Variants in USP40 observed in about 807,000 individuals in gnomAD.
The protein encoded by USP40 is ubiquitin specific peptidase 40, also known as ubiquitin carboxyl-terminal hydrolase 40.
A neutral mutation model predicts 166.2 loss-of-function variants in USP40; 143 were observed. The observed-to-expected ratio is 0.86, with a 90% CI of 0.75 to 0.99. USP40 has a LOEUF of 0.99. Ranked by LOEUF, USP40 falls within the 50% of genes least tolerant of loss-of-function variation. The pLI is 0.00. For missense variants in USP40, 1,444 were observed against 1,479.7 expected, an observed-to-expected ratio of 0.98 and a Z score of 0.40; for synonymous variants, 498 against 524.0, an observed-to-expected ratio of 0.95 and a Z score of 0.68.
intron 20 of USP40, among the ~76,000 whole-genome samples, chr2:233,510,936 A>G (rs568891593): frequency 6.6e-6 from 1 of 152,100 alleles, no homozygotes; most frequent in African/African-American, 2.4e-5. Context: ...TTCTAACTCA[A>G]CCTCACTTGT....
chr2:233,565,653 G>C (rs1227959349), intron 1 of USP40, 80 bp from the exon 2 acceptor site: 2 of 1,214,322 alleles, frequency 1.6e-6, no homozygotes, highest in African/African-American at 3.1e-5. Flanking sequence ...CTTGGGAGTC[G>C]ATTCTGTTGT....
At position 233,521,093 on chromosome 2, in the gene USP40, T is replaced by TTTC. The variant is rs59586144; in HGVS notation, c.2220_2222dup (p.Lys741dup). The stretch of plus-strand genomic sequence containing the variant: ...CAATCTCATTCATACTAGTGACCCA[T>TTTC]TTCTCTTCCTTGGTCAACAAGCTGT... On this transcript the variant is annotated inframe_insertion, in exon 17 of 32. Transcript: ENST00000678225. 0.2 allele frequency: 320,306 copies of TTTC among 1,611,124 alleles called. 33,173 individuals are homozygous for TTTC. The highest frequency in any genetic ancestry group is 0.21 in the Middle Eastern group (1,289 of 6,046).
chr2:233,495,940 A>T (rs1172201127), intron 24 of USP40, among the ~76,000 whole-genome samples: 4 of 152,250 alleles, frequency 2.6e-5, no homozygotes, highest in Non-Finnish European at 1.5e-5. Flanking sequence ...GAATAAAAGC[A>T]AACAAAACAA....
intron 30 of USP40, chr2:233,481,508 C>T: frequency 1.8e-6 from 1 of 567,152 alleles, no homozygotes; most frequent in East Asian, 3.0e-5. Context: ...AATTAATTTC[C>T]AGCCATCTGA....
chr2:233,560,991 A>C (rs2071540354), intron 3 of USP40: 4 of 805,914 alleles, frequency 5.0e-6, no homozygotes, highest in Non-Finnish European at 8.6e-6. Context: ...TCTTTCTCGG[A>C]AGGCAAATTC....
intron 12 of USP40, among the ~76,000 whole-genome samples, chr2:233,529,057 TACA>T (rs2068282769): frequency 6.6e-6 from 1 of 152,230 alleles, no homozygotes; most frequent in African/African-American, 2.4e-5. Context: ...GCCAGTTCGC[TACA>T]ACTACTTACC....
intron 2 of USP40, 88 bp from the exon 3 acceptor site, chr2:233,562,891 A>C (rs1269633107): frequency 6.5e-6 from 6 of 927,804 alleles, no homozygotes; most frequent in Non-Finnish European, 7.8e-6. Flanking sequence ...CTTTAAGTAA[A>C]ATCAAGTAGA....
In USP40 at chr2:233,549,231, TAAAAGA is replaced by T; in HGVS notation, c.838-8_838-3del. The T allele has an allele frequency of 1.4e-6, 2 of 1,384,864 alleles. No individual in the cohort carries two copies. Among genetic ancestry groups the T allele is most frequent in the Non-Finnish European group, 9.8e-7 (1 of 1,021,964 alleles). 85.8% of individuals were successfully genotyped at this position (1,384,864 alleles called of 1,614,324 possible). A position where few individuals can be genotyped will look rare whatever the true frequency, so the allele number is the denominator to read the frequency against. On this transcript the variant is annotated splice_region_variant and splice_polypyrimidine_tract_variant and intron_variant, in intron 7 of 31. Transcript: ENST00000678225. ...ATATTCTAAGTCATCCAATTCACTCTAAAAGAAAAAAGAACAAAAATATTGATATAG... is the reference window on the plus strand; with the variant it reads ...ATATTCTAAGTCATCCAATTCACTCTAAAAAGAACAAAAATATTGATATAG...
At chr2:233,477,853 C>T (rs1318798108) in intron 31 of USP40, among the ~76,000 whole-genome samples, 8 of 152,252 alleles carry the variant, frequency 5.3e-5, no homozygotes, top group East Asian at 1.9e-4. Flanking sequence ...CTGCACGACT[C>T]GTCACAATCA....
At chr2:233,531,807 A>G (rs2068547437) in intron 11 of USP40, among the ~76,000 whole-genome samples, 1 of 152,224 alleles carries the variant, frequency 6.6e-6, no homozygotes. Flanking sequence ...CTCAATCTAT[A>G]AAGCTTTTCT....
intron 31 of USP40, among the ~76,000 whole-genome samples, chr2:233,477,977 G>C (rs940719346): frequency 6.6e-6 from 1 of 152,216 alleles, no homozygotes; most frequent in African/African-American, 2.4e-5. Flanking sequence ...GACCCCCCCG[G>C]CCCATGGCAC....
At position 233,517,379 on chromosome 2, in the gene USP40, G is replaced by GT. The variant is rs202226925; in HGVS notation, c.2383+2234dup. ...CAAAAAAGATACTTGCACATGCATG[G>GT]TTTTTTGTTTTTTTTTTTTTTTTGA... is the stretch of plus-strand genomic sequence containing the variant. On this transcript the variant is annotated intron_variant, in intron 18 of 31. Transcript: ENST00000678225. Among the ~76,000 whole-genome samples the GT allele has an allele frequency of 6.6e-4, 90 of 137,162 alleles. 2 individuals are homozygous for GT. Among genetic ancestry groups the GT allele is most frequent in the African/African-American group, 1.4e-3 (50 of 35,708 alleles). 90.0% of individuals were successfully genotyped at this position (137,162 alleles called of 152,430 possible).
At chr2:233,507,220 G>C (rs1036472771) in intron 21 of USP40, among the ~76,000 whole-genome samples, 1 of 152,100 alleles carries the variant, frequency 6.6e-6, no homozygotes, top group Non-Finnish European at 1.5e-5. Context: ...ATGCACTGTC[G>C]GTGAGACTGT....
intron 25 of USP40, among the ~76,000 whole-genome samples, chr2:233,491,717 TC>T (rs1009592169): frequency 1.3e-5 from 2 of 152,066 alleles, no homozygotes; most frequent in African/African-American, 4.8e-5. Flanking sequence ...CTATCTTGTC[TC>T]CCCAGTTCCT....
intron 9 of USP40, among the ~76,000 whole-genome samples, chr2:233,541,918 A>G (rs955312716): frequency 3.3e-5 from 5 of 152,226 alleles, no homozygotes; most frequent in Non-Finnish European, 7.3e-5. Flanking sequence ...GTCATAACCC[A>G]ATTCCAATAT....
chr2:233,521,754 T>C (rs2125217612), intron 16 of USP40, among the ~76,000 whole-genome samples: 1 of 152,314 alleles, frequency 6.6e-6, no homozygotes, highest in Non-Finnish European at 1.5e-5. Context: ...TACTCTTTAT[T>C]GCAGTTATTC....
intron 12 of USP40, among the ~76,000 whole-genome samples, chr2:233,527,993 T>TG (rs2125248405): frequency 6.6e-6 from 1 of 152,056 alleles, no homozygotes; most frequent in South Asian, 2.1e-4. Context: ...TTTTTTTTTT[T>TG]TTTGAGACAG....
intron 24 of USP40, among the ~76,000 whole-genome samples, chr2:233,496,221 C>A (rs1381461349): frequency 6.6e-6 from 1 of 152,174 alleles, no homozygotes; most frequent in Non-Finnish European, 1.5e-5. Context: ...TACGTGCATC[C>A]TCAGTTTAAA....
Position 233,566,672 on chromosome 2 carries a change from A to C in USP40, c.-20+12T>G, listed in dbSNP as rs1336739482. ...GTCCCTCCCAGGATCCCCGGGCGCC[A>C]GCCGCACTTACTGCCTAAAGCCCAG... On this transcript the variant is annotated intron_variant, in intron 1 of 31. Coordinates refer to ENST00000678225, the MANE Select transcript of USP40 (RefSeq NM_001365479.2). 1.0e-6 allele frequency: 1 copy of C among 985,840 alleles called. No homozygotes were observed. The highest frequency in any genetic ancestry group is 1.2e-6 in the Non-Finnish European group (1 of 830,046). The allele number at this position is 985,840 out of a possible 1,614,324, so 61.1% of individuals were successfully genotyped here.
Sources: allele counts gnomAD v4.1 joint callset (sites outside exome capture counted in the v4.1 genomes callset), GRCh38; gene constraint gnomAD v4.1.1; transcripts MANE v1.5; gene names NCBI Gene and HGNC (gene_info 2026-07-23, HGNC 2026-07-21).